STK39: variants seen among roughly 807,000 people sequenced by gnomAD.
STK39 encodes STE20/SPS1-related proline-alanine-rich protein kinase.
In STK39, 20 loss-of-function variants were observed where a neutral mutation model predicts 77.8. The observed-to-expected ratio is 0.26, with a 90% CI of 0.18 to 0.37. STK39 has a LOEUF of 0.37. STK39 is among the 10% of genes least tolerant of loss of function. The pLI is 1.00. For synonymous variants in STK39, 246 were observed against 234.1 expected (o/e 1.05, Z -0.47); for missense variants, 479 against 656.5 (o/e 0.73, Z 2.95).
intron 16 of STK39, among the ~76,000 whole-genome samples, chr2:168,001,795 A>G (rs1684008746): frequency 6.6e-6 from 1 of 152,252 alleles, no homozygotes; most frequent in African/African-American, 2.4e-5. Flanking sequence ...CTTGCCTGTC[A>G]GGCTATTAAC....
Position 167,977,564 on chromosome 2 carries a change from C to T in STK39, c.1499-12838G>A, listed in dbSNP as rs1171244691. Among the ~76,000 whole-genome samples, 9 of 145,918 alleles carry T rather than the reference C, an allele frequency of 6.2e-5. No homozygotes were observed. In the South Asian group the frequency reaches 1.7e-3, roughly 28 times the overall value. ...TGAGTTGAAGGTAAGAATTAGTTTA[C>T]TTGCTTCGGAAAAAAAAAAAAAAAA... On this transcript the variant is annotated intron_variant, in intron 16 of 17. Coordinates refer to ENST00000355999, the MANE Select transcript of STK39 (RefSeq NM_013233.3).
intron 16 of STK39, among the ~76,000 whole-genome samples, chr2:167,978,877 C>A (rs555675351): frequency 1.1e-4 from 16 of 151,240 alleles, no homozygotes; most frequent in African/African-American, 3.2e-4. Flanking sequence ...TAGTACATAC[C>A]CATTTTATCT....
intron 16 of STK39, among the ~76,000 whole-genome samples, chr2:167,977,668 T>C (rs1334831448): frequency 2.6e-5 from 4 of 151,816 alleles, no homozygotes; most frequent in Middle Eastern, 6.8e-3. Context: ...ATTCTATAGG[T>C]GTCTTAACCA....
intron 16 of STK39, among the ~76,000 whole-genome samples, chr2:167,996,416 A>C (rs547909968): frequency 7.9e-5 from 12 of 152,340 alleles, no homozygotes; most frequent in African/African-American, 2.9e-4. Flanking sequence ...TATAAGAAGA[A>C]GTCTGTACAA....
chr2:168,065,059 C>A (rs548813395), intron 13 of STK39, among the ~76,000 whole-genome samples: 191 of 152,236 alleles, frequency 1.3e-3, no homozygotes, highest in African/African-American at 4.5e-3. Context: ...AGAATGGTGT[C>A]ATTTTCTTTC....
intron 1 of STK39, among the ~76,000 whole-genome samples, chr2:168,207,797 A>G (rs950731401): frequency 6.6e-6 from 1 of 152,192 alleles, no homozygotes; most frequent in African/African-American, 2.4e-5. Context: ...CGTGTTACAG[A>G]TAAGGACAGT....
At chr2:168,094,912 T>C (rs1400140737) in intron 10 of STK39, among the ~76,000 whole-genome samples, 1 of 152,178 alleles carries the variant, frequency 6.6e-6, no homozygotes, top group African/African-American at 2.4e-5. Context: ...GAAAAGGTAC[T>C]ACCATCCTCC....
intron 1 of STK39, among the ~76,000 whole-genome samples, chr2:168,210,336 A>AT (rs893588447): frequency 1.3e-5 from 2 of 152,144 alleles, no homozygotes; most frequent in Non-Finnish European, 2.9e-5. Context: ...ATTTATCACC[A>AT]TTTTTTTCCC....
chr2:168,101,616 T>G (rs1387766119), intron 10 of STK39, among the ~76,000 whole-genome samples: 1 of 151,950 alleles, frequency 6.6e-6, no homozygotes, highest in African/African-American at 2.4e-5. Flanking sequence ...CGTGCACCTA[T>G]AGTCCCAGCT....
intron 13 of STK39, 151 bp from the exon 14 acceptor site, chr2:168,063,721 C>G (rs1685723092): frequency 1.6e-6 from 1 of 625,942 alleles, no homozygotes; most frequent in African/African-American, 1.9e-5. Flanking sequence ...CATCGTAACA[C>G]CTCCATGTAA....
rs1559084586 is a variant in STK39 at position 168,075,020 on chromosome 2, C to A, written c.1213-9G>T. 2 of 1,613,944 alleles carry A rather than the reference C, an allele frequency of 1.2e-6. No individual in the cohort carries two copies. Among genetic ancestry groups the A allele is most frequent in the South Asian group, 1.1e-5 (1 of 91,068 alleles). On this transcript the variant is annotated splice_polypyrimidine_tract_variant and intron_variant, in intron 11 of 17. Transcript: ENST00000355999. ...TCTTTTACTCTTCGTGACTGTAAAA[C>A]AATTATGTATCCATTAATATATATA...
intron 1 of STK39, among the ~76,000 whole-genome samples, chr2:168,236,976 T>C (rs1690629874): frequency 6.6e-6 from 1 of 152,196 alleles, no homozygotes; most frequent in Admixed American, 6.5e-5. Flanking sequence ...TTTCCAATTC[T>C]GTGAAGAAAG....
intron 14 of STK39, among the ~76,000 whole-genome samples, chr2:168,061,928 G>T (rs888250132): frequency 2.6e-5 from 4 of 152,100 alleles, no homozygotes; most frequent in Non-Finnish European, 5.9e-5. Flanking sequence ...TTGCACTAAG[G>T]GGGAGAATTA....
intron 5 of STK39, among the ~76,000 whole-genome samples, chr2:168,142,517 A>G (rs748031727): frequency 3.9e-5 from 6 of 152,220 alleles, no homozygotes; most frequent in Non-Finnish European, 5.9e-5. Context: ...GTCTCTTCCT[A>G]AAAGACATAA....
At chr2:168,104,313 T>C (rs933953693) in intron 10 of STK39, among the ~76,000 whole-genome samples, 1 of 152,044 alleles carries the variant, frequency 6.6e-6, no homozygotes, top group African/African-American at 2.4e-5. Context: ...CTCTAATCAT[T>C]AGGAAAAAAA....
intron 2 of STK39, among the ~76,000 whole-genome samples, chr2:168,177,012 C>T (rs1688971488): frequency 6.6e-6 from 1 of 151,966 alleles, no homozygotes; most frequent in South Asian, 2.1e-4. Flanking sequence ...AAATAAGGAC[C>T]AGTGGTGAAA....
At chr2:167,955,693 C>T (rs1207562597) in intron 17 of STK39, 123 bp from the exon 18 acceptor site, 8 of 907,566 alleles carry the variant, frequency 8.8e-6, no homozygotes, top group Non-Finnish European at 1.2e-5. Flanking sequence ...TGTCCCATTT[C>T]TTCCAGAAGA....
intron 1 of STK39, among the ~76,000 whole-genome samples, chr2:168,215,068 T>C (rs4613238): frequency 0.2 from 31,010 of 152,160 alleles, 3,968 homozygotes; most frequent in Non-Finnish European, 0.29. Context: ...GCTGACCTTA[T>C]ATAATATGCC....
intron 16 of STK39, among the ~76,000 whole-genome samples, chr2:168,003,518 C>CAATTA (rs147275298): frequency 0.11 from 16,823 of 151,998 alleles, 3,104 homozygotes; most frequent in African/African-American, 0.38. Context: ...AAACCAGGAG[C>CAATTA]AATGAGTTAC....
Sources: gnomAD v4.1 joint callset for allele counts (sites outside exome capture counted in the v4.1 genomes callset) on GRCh38, gnomAD v4.1.1 for gene constraint, MANE v1.5 for transcripts, NCBI Gene and HGNC (gene_info 2026-07-23, HGNC 2026-07-21) for gene names.